ZNF420: variants seen among roughly 807,000 people sequenced by gnomAD.
ZNF420 encodes zinc finger protein 420.
ZNF420 carries 31 observed loss-of-function variants against 44.7 expected under a neutral mutation model. That is an observed-to-expected ratio of 0.69 (90% CI 0.52 to 0.94). ZNF420 has a LOEUF of 0.94. ZNF420 is among the 40% of genes least tolerant of loss of function. The probability of loss-of-function intolerance (pLI) is 0.00; values close to 1 mark genes in which losing one functional copy is unlikely to be tolerated. For missense variants in ZNF420, 681 were observed against 827.9 expected, an observed-to-expected ratio of 0.82 and a Z score of 2.18; for synonymous variants, 245 against 267.4, an observed-to-expected ratio of 0.92 and a Z score of 0.82.
upstream of ZNF420, among the ~76,000 whole-genome samples, chr19:37,075,385 G>A (rs1968127457): frequency 6.6e-6 from 1 of 151,964 alleles, no homozygotes; most frequent in Admixed American, 6.6e-5. Flanking sequence ...CAAAACCAAC[G>A]TCTCTATTGA....
chr19:37,015,813 G>A (rs1207935112), intron 1 of ZNF420, among the ~76,000 whole-genome samples: 2 of 152,194 alleles, frequency 1.3e-5, no homozygotes, highest in Non-Finnish European at 1.5e-5. Context: ...TGGCCTTTCT[G>A]GCCAGCTTCC....
At chr19:37,025,290 T>G (rs1389457522) in intron 1 of ZNF420, 1 of 246,428 alleles carries the variant, frequency 4.1e-6, no homozygotes, top group African/African-American at 2.3e-5. Context: ...CCTTGTTTTC[T>G]GTAACATCTG....
intron 1 of ZNF420, among the ~76,000 whole-genome samples, chr19:37,058,890 C>G (rs1967810310): frequency 6.6e-6 from 1 of 152,166 alleles, no homozygotes; most frequent in Non-Finnish European, 1.5e-5. Context: ...GCAGCAGCCC[C>G]ACGGCTTTGC....
chr19:37,084,339 A>C (rs1366064961), intron 2 of ZNF420, among the ~76,000 whole-genome samples: 1 of 151,940 alleles, frequency 6.6e-6, no homozygotes, highest in Non-Finnish European at 1.5e-5. Flanking sequence ...TTTTGCTTTT[A>C]TTTCTTAGAG....
chr19:37,032,068 C>G (rs538607596), intron 1 of ZNF420, among the ~76,000 whole-genome samples: 1 of 152,058 alleles, frequency 6.6e-6, no homozygotes, highest in East Asian at 1.9e-4. Context: ...AAAATTAGAC[C>G]GTGCGGTGGC....
chr19:37,034,350 T>G (rs1341061895), intron 1 of ZNF420, among the ~76,000 whole-genome samples: 1 of 152,192 alleles, frequency 6.6e-6, no homozygotes, highest in Admixed American at 6.5e-5. Flanking sequence ...CTTTGCCTAT[T>G]TTTTAGTTAG....
intron 1 of ZNF420, among the ~76,000 whole-genome samples, chr19:37,031,907 A>G (rs1967265180): frequency 6.6e-6 from 1 of 152,134 alleles, no homozygotes; most frequent in Admixed American, 6.5e-5. Flanking sequence ...TCTGCATTCT[A>G]TTAAAACGGT....
At chr19:37,118,097 C>A (rs752582324) in intron 4 of ZNF420, among the ~76,000 whole-genome samples, 3 of 152,172 alleles carry the variant, frequency 2.0e-5, no homozygotes, top group African/African-American at 7.2e-5. Context: ...GGCAGGCCAC[C>A]ATTCAGATTC....
chr19:37,122,373 A>G (rs1029274278), intron 4 of ZNF420, among the ~76,000 whole-genome samples: 1 of 151,942 alleles, frequency 6.6e-6, no homozygotes, highest in Non-Finnish European at 1.5e-5. Flanking sequence ...ACAGAAAACC[A>G]AACACCGCAT....
chr19:37,062,527 G>C (rs893419452), intron 1 of ZNF420, among the ~76,000 whole-genome samples: 1 of 152,084 alleles, frequency 6.6e-6, no homozygotes, highest in Non-Finnish European at 1.5e-5. Flanking sequence ...GTCCTAATTT[G>C]TTTTTCCTAT....
At chr19:37,087,290 AAAAT>A (rs367703367) in intron 2 of ZNF420, among the ~76,000 whole-genome samples, 1,157 of 83,242 alleles carry the variant, frequency 0.014, 18 homozygotes, top group Middle Eastern at 0.054. Context: ...CTCAAAAAAA[AAAAT>A]AAATAAATAA....
At chr19:37,022,804 T>C (rs2074659302) in intron 1 of ZNF420, among the ~76,000 whole-genome samples, 1 of 152,130 alleles carries the variant, frequency 6.6e-6, no homozygotes, top group Non-Finnish European at 1.5e-5. Context: ...CAATATCATA[T>C]TGGCTGTAAG....
At chr19:37,032,399 G>A (rs968956744) in intron 1 of ZNF420, among the ~76,000 whole-genome samples, 4 of 151,878 alleles carry the variant, frequency 2.6e-5, no homozygotes, top group African/African-American at 9.7e-5. Flanking sequence ...CAGGTACTTC[G>A]GAGGCTGAGG....
At chr19:37,073,856 A>C (rs1388360652), upstream of ZNF420, among the ~76,000 whole-genome samples, 1 of 152,096 alleles carries the variant, frequency 6.6e-6, no homozygotes, top group Non-Finnish European at 1.5e-5. Flanking sequence ...GGACACGGGC[A>C]CCAGCGTCAG....
At chr19:37,043,307 G>T (rs1211916334) in intron 1 of ZNF420, among the ~76,000 whole-genome samples, 1 of 152,140 alleles carries the variant, frequency 6.6e-6, no homozygotes, top group Non-Finnish European at 1.5e-5. Flanking sequence ...TCACTCAAAA[G>T]AATAAAGGGA....
Position 37,127,272 on chromosome 19 carries a change from G to A in ZNF420, c.281G>A (p.Gly94Asp). 6.2e-7 allele frequency: 1 copy of A among 1,613,638 alleles called. No individual in the cohort carries two copies. The highest frequency in any genetic ancestry group is 8.5e-7 in the Non-Finnish European group (1 of 1,179,782). ...SNSRDYLEAK[G>D]KMEKQQENQK... ...TCCAGGGATTATTTGGAAGCCAAAG[G>A]CAAGATGGAGAAGCAACAAGAAAAT... Residue 94 changes from glycine to aspartate, a missense_variant, in exon 5 of 5, where the codon GGC becomes GAC. Gly to Asp is a moderately conservative substitution (Grantham distance 94). Coordinates refer to ENST00000337995, the MANE Select transcript of ZNF420 (RefSeq NM_144689.5).
chr19:37,051,533 G>C (rs1360317018), intron 1 of ZNF420, among the ~76,000 whole-genome samples: 7 of 152,112 alleles, frequency 4.6e-5, no homozygotes, highest in Admixed American at 2.6e-4. Flanking sequence ...TTCTCTGATG[G>C]TAGTTTGTAT....
chr19:37,088,107 A>G (rs559877060), intron 2 of ZNF420, among the ~76,000 whole-genome samples: 1 of 152,364 alleles, frequency 6.6e-6, no homozygotes, highest in African/African-American at 2.4e-5. Flanking sequence ...AAGGCACTAT[A>G]TAACTGAATG....
At chr19:37,100,397 C>T (rs550480397) in intron 4 of ZNF420, among the ~76,000 whole-genome samples, 164 of 152,154 alleles carry the variant, frequency 1.1e-3, no homozygotes, top group African/African-American at 3.9e-3. Context: ...TTGATGCCTC[C>T]AGCTTGGTTC....
Sources: gnomAD v4.1 joint callset for allele counts (sites outside exome capture counted in the v4.1 genomes callset) on GRCh38, gnomAD v4.1.1 for gene constraint, MANE v1.5 for transcripts, NCBI Gene and HGNC (gene_info 2026-07-23, HGNC 2026-07-21) for gene names.